Variants in USP49 observed in about 807,000 individuals in gnomAD.
The protein encoded by USP49 is ubiquitin carboxyl-terminal hydrolase 49.
In USP49, 24 loss-of-function variants were observed where a neutral mutation model predicts 58.6. The ratio of observed to expected loss-of-function variants is 0.41; its 90% CI spans 0.30 to 0.58. The LOEUF is 0.58. USP49 is among the 20% of genes least tolerant of loss of function. The pLI, the probability that USP49 is intolerant of heterozygous loss-of-function variation, is 0.30. For synonymous variants in USP49, 408 were observed against 365.1 expected, an observed-to-expected ratio of 1.12 and a Z score of -1.34; for missense variants, 703 against 866.1, an observed-to-expected ratio of 0.81 and a Z score of 2.36.
At position 41,848,064 on chromosome 6, in the gene USP49, C is replaced by T. The variant is rs987209395; in HGVS notation, c.-29+23500G>A. On this transcript the variant is annotated intron_variant, in intron 3 of 7. Transcript: ENST00000682992. ...CGATTCATCACATACAAGGGAGTTT[C>T]CATTCCCAGATTTACCAGCAGAAAC... Among the ~76,000 whole-genome samples, 92 of 152,116 alleles carry T rather than the reference C, an allele frequency of 6.0e-4. 1 individual carries two copies. The highest frequency in any genetic ancestry group is 2.1e-3 in the African/African-American group (88 of 41,426).
intron 2 of USP49, among the ~76,000 whole-genome samples, chr6:41,887,894 A>G (rs1774741767): frequency 6.6e-6 from 1 of 152,202 alleles, no homozygotes; most frequent in Non-Finnish European, 1.5e-5. Context: ...CCAGACTTCT[A>G]TTAACATGTG....
At chr6:41,866,681 A>G (rs528500782) in intron 3 of USP49, among the ~76,000 whole-genome samples, 5 of 152,290 alleles carry the variant, frequency 3.3e-5, no homozygotes, top group African/African-American at 1.2e-4. Context: ...ATTTTTGTTA[A>G]TCTTCTAAAG....
chr6:41,888,912 A>G (rs1174078094), intron 2 of USP49, among the ~76,000 whole-genome samples: 1 of 152,200 alleles, frequency 6.6e-6, no homozygotes, highest in African/African-American at 2.4e-5. Flanking sequence ...CTTATGTCAC[A>G]ACAACAGAAA....
Position 41,872,100 on chromosome 6 carries a change from C to T in USP49, c.-102-463G>A, listed in dbSNP as rs555532919. Among the ~76,000 whole-genome samples, 6 of 152,270 alleles carry T rather than the reference C, an allele frequency of 3.9e-5. No individual in the cohort carries two copies. In the South Asian group the frequency reaches 1.2e-3, roughly 32 times the overall value. ...AGTGGGTTTATGACCTATATGTAAG[C>T]GGCATGCTTCTTTAAAAGCGGTATA... On this transcript the variant is annotated intron_variant, in intron 2 of 7. Transcript: ENST00000682992.
intron 2 of USP49, among the ~76,000 whole-genome samples, chr6:41,878,599 C>T (rs1346104704): frequency 6.6e-6 from 1 of 152,136 alleles, no homozygotes; most frequent in Non-Finnish European, 1.5e-5. Context: ...TTATATGTCC[C>T]ACATATAATA....
chr6:41,827,237 A>G (rs1773554916), intron 3 of USP49, among the ~76,000 whole-genome samples: 1 of 152,202 alleles, frequency 6.6e-6, no homozygotes, highest in Non-Finnish European at 1.5e-5. Flanking sequence ...GAACCTTTAG[A>G]GATAAGGTCT....
chr6:41,834,289 C>T (rs1329879282), intron 3 of USP49, among the ~76,000 whole-genome samples: 1 of 152,116 alleles, frequency 6.6e-6, no homozygotes, highest in Non-Finnish European at 1.5e-5. Flanking sequence ...GTCTCTCATG[C>T]TGTTGAGAAA....
intron 2 of USP49, among the ~76,000 whole-genome samples, chr6:41,874,591 G>A (rs534496441): frequency 3.3e-5 from 5 of 152,318 alleles, no homozygotes; most frequent in African/African-American, 9.6e-5. Context: ...TTTGACAGAT[G>A]AGGAAACTGT....
At chr6:41,878,220 A>C (rs1307348675) in intron 2 of USP49, among the ~76,000 whole-genome samples, 1 of 152,220 alleles carries the variant, frequency 6.6e-6, no homozygotes, top group Non-Finnish European at 1.5e-5. Flanking sequence ...AAAAAGAAAC[A>C]CTGATATTCA....
chr6:41,798,405 C>T (rs1772928308), intron 7 of USP49: 2 of 405,350 alleles, frequency 4.9e-6, no homozygotes, highest in Non-Finnish European at 8.4e-6. Flanking sequence ...TCTTGAGTAC[C>T]TGGGATTACC....
intron 3 of USP49, among the ~76,000 whole-genome samples, chr6:41,819,326 C>T (rs1773414120): frequency 6.6e-6 from 1 of 152,112 alleles, no homozygotes; most frequent in South Asian, 2.1e-4. Flanking sequence ...TCTACTGCCA[C>T]ATGGGAAAAT....
rs568834086 is a variant in USP49 at position 41,870,370 on chromosome 6, G to A, written c.-29+1194C>T. On this transcript the variant is annotated intron_variant, in intron 3 of 7. Coordinates refer to ENST00000682992, the MANE Select transcript of USP49 (RefSeq NM_001286554.2). Reference sequence around the variant, plus strand: ...TTTTAACCACTAGGCAAAGAAGGTTGCACAAATACATGCCATATACTTATA... The same window carrying A: ...TTTTAACCACTAGGCAAAGAAGGTTACACAAATACATGCCATATACTTATA... 2.6e-5 allele frequency among the ~76,000 whole-genome samples: 4 copies of A among 152,268 alleles called. No individual in the cohort carries two copies. The South Asian group carries it at 6.2e-4, about 24-fold the overall frequency.
chr6:41,880,891 T>A (rs1774591944), intron 2 of USP49, among the ~76,000 whole-genome samples: 1 of 151,974 alleles, frequency 6.6e-6, no homozygotes, highest in South Asian at 2.1e-4. Flanking sequence ...GCTGGGCAGG[T>A]CTAGAAAAGA....
At chr6:41,816,261 T>C (rs1469489093) in intron 3 of USP49, among the ~76,000 whole-genome samples, 1 of 152,216 alleles carries the variant, frequency 6.6e-6, no homozygotes, top group Non-Finnish European at 1.5e-5. Context: ...ATGTGCAGGT[T>C]CATCCTCCTC....
intron 7 of USP49, chr6:41,797,798 C>G: frequency 2.0e-6 from 2 of 985,766 alleles, no homozygotes; most frequent in Non-Finnish European, 2.4e-6. Flanking sequence ...TATCAATAAC[C>G]AATACTTTTG....
chr6:41,874,812 G>T (rs931929592), intron 2 of USP49, among the ~76,000 whole-genome samples: 1 of 152,142 alleles, frequency 6.6e-6, no homozygotes, highest in Non-Finnish European at 1.5e-5. Flanking sequence ...AAAATAATTT[G>T]CTGTGTGTTT....
At chr6:41,816,532 T>G (rs930614979) in intron 3 of USP49, among the ~76,000 whole-genome samples, 1 of 152,150 alleles carries the variant, frequency 6.6e-6, no homozygotes, top group African/African-American at 2.4e-5. Context: ...CTCAGCTCTC[T>G]TCTCAATTTT....
In USP49 at chr6:41,820,189, T is replaced by G. The variant is rs1582002113; in HGVS notation, c.-28-13178A>C. ...ATCTAGCTACATCATTAGTTTTTTTTTTTTTTAAGTTTTATTGAGGTATAA... is the reference window on the plus strand; with the variant it reads ...ATCTAGCTACATCATTAGTTTTTTTGTTTTTTAAGTTTTATTGAGGTATAA... On this transcript the variant is annotated intron_variant, in intron 3 of 7. Transcript: ENST00000682992. Among the ~76,000 whole-genome samples the G allele has an allele frequency of 2.0e-5, 3 of 152,302 alleles. No homozygotes were observed. In the South Asian group the frequency reaches 6.2e-4, roughly 32 times the overall value.
At chr6:41,858,476 C>A (rs1288934117) in intron 3 of USP49, among the ~76,000 whole-genome samples, 1 of 152,066 alleles carries the variant, frequency 6.6e-6, no homozygotes, top group Admixed American at 6.6e-5. Flanking sequence ...TGAGCTTTGA[C>A]TATTTCTCTC....
Sources: allele counts gnomAD v4.1 joint callset (sites outside exome capture counted in the v4.1 genomes callset), GRCh38; gene constraint gnomAD v4.1.1; transcripts MANE v1.5; gene names NCBI Gene and HGNC (gene_info 2026-07-23, HGNC 2026-07-21).